The following TMTC2 variants were observed in gnomAD, a reference collection of about 807,000 sequenced individuals.
TMTC2 encodes transmembrane O-mannosyltransferase targeting cadherins 2, also known as protein O-mannosyl-transferase TMTC2.
A neutral mutation model predicts 82.4 loss-of-function variants in TMTC2; 43 were observed. That is an observed-to-expected ratio of 0.52 (90% CI 0.41 to 0.67). The LOEUF (loss-of-function observed/expected upper bound fraction) is 0.67, where lower values mean the gene tolerates loss of function less well. Ranked by LOEUF, TMTC2 falls within the 30% of genes least tolerant of loss-of-function variation. TMTC2 has a pLI of 0.00. For synonymous variants in TMTC2, 408 were observed against 381.9 expected, an observed-to-expected ratio of 1.07 and a Z score of -0.80; for missense variants, 919 against 1,012.4, an observed-to-expected ratio of 0.91 and a Z score of 1.25.
chr12:82,965,537 T>C (rs1878155670), intron 5 of TMTC2, 23 bp from the exon 6 acceptor site: 3 of 1,612,208 alleles, frequency 1.9e-6, no homozygotes, highest in Admixed American at 3.3e-5. Context: ...TCTCACACTT[T>C]TGTTTCCACT....
chr12:82,811,507 G>C (rs1377702148), intron 1 of TMTC2, among the ~76,000 whole-genome samples: 1 of 151,896 alleles, frequency 6.6e-6, no homozygotes, highest in Non-Finnish European at 1.5e-5. Flanking sequence ...AAGTAGTGTT[G>C]TCACAGAAAG....
chr12:82,858,627 A>T (rs1871375915), intron 2 of TMTC2, among the ~76,000 whole-genome samples: 1 of 151,146 alleles, frequency 6.6e-6, no homozygotes, highest in Admixed American at 6.6e-5. Flanking sequence ...TGTTCGAAAC[A>T]TCAATTTTTT....
Position 83,102,068 on chromosome 12 carries a change from G to A in TMTC2, c.2332-30142G>A, listed in dbSNP as rs374158020. On this transcript the variant is annotated intron_variant, in intron 11 of 11. Transcript: ENST00000321196. Reference sequence around the variant, plus strand: ...ATACATGTGACTAGTTTAGAGATTGGCATTATCTCCTTGGAACTGGGTAGA... The same window carrying A: ...ATACATGTGACTAGTTTAGAGATTGACATTATCTCCTTGGAACTGGGTAGA... 2.6e-5 allele frequency among the ~76,000 whole-genome samples: 4 copies of A among 152,148 alleles called. No homozygotes were observed. In the East Asian group the frequency reaches 5.8e-4, roughly 22 times the overall value.
At chr12:82,715,898 G>A (rs541447278) in intron 1 of TMTC2, among the ~76,000 whole-genome samples, 13 of 152,310 alleles carry the variant, frequency 8.5e-5, no homozygotes, top group African/African-American at 2.6e-4. Context: ...CATGAGTCCT[G>A]TAGAAATCAG....
At chr12:83,069,508 T>C (rs1883033185) in intron 11 of TMTC2, among the ~76,000 whole-genome samples, 1 of 152,190 alleles carries the variant, frequency 6.6e-6, no homozygotes, top group Admixed American at 6.5e-5. Context: ...TTGAGAACTG[T>C]CTATTCATGT....
intron 1 of TMTC2, among the ~76,000 whole-genome samples, chr12:82,782,838 A>T (rs899396015): frequency 2.0e-5 from 3 of 152,164 alleles, no homozygotes; most frequent in African/African-American, 7.2e-5. Context: ...TAGCCTCTTT[A>T]TTCCTAATTT....
At chr12:82,766,488 C>T (rs924055215) in intron 1 of TMTC2, among the ~76,000 whole-genome samples, 1 of 152,212 alleles carries the variant, frequency 6.6e-6, no homozygotes, top group Non-Finnish European at 1.5e-5. Flanking sequence ...ACTAGGCACA[C>T]TGTTTTGTCT....
chr12:82,901,669 G>A (rs1489684315), intron 3 of TMTC2, among the ~76,000 whole-genome samples: 4 of 151,648 alleles, frequency 2.6e-5, no homozygotes, highest in South Asian at 2.1e-4. Flanking sequence ...TTTTTCTTTC[G>A]ACTCAGACAT....
At chr12:82,915,039 G>C (rs1262344293) in intron 3 of TMTC2, among the ~76,000 whole-genome samples, 1 of 151,840 alleles carries the variant, frequency 6.6e-6, no homozygotes, top group Non-Finnish European at 1.5e-5. Flanking sequence ...TGGTCAGGCT[G>C]GTCTCGAACT....
intron 1 of TMTC2, among the ~76,000 whole-genome samples, chr12:82,695,955 G>A (rs1872769710): frequency 6.6e-6 from 1 of 152,146 alleles, no homozygotes; most frequent in African/African-American, 2.4e-5. Flanking sequence ...AAGAAACTAG[G>A]CCTGTTGCCT....
chr12:82,997,055 A>G (rs1424286983), intron 8 of TMTC2, among the ~76,000 whole-genome samples: 3 of 150,458 alleles, frequency 2.0e-5, no homozygotes, highest in Non-Finnish European at 4.4e-5. Context: ...CCCCTTTTCT[A>G]CCTAGGGTAC....
chr12:83,098,350 A>G (rs990999369), intron 11 of TMTC2, among the ~76,000 whole-genome samples: 8 of 152,188 alleles, frequency 5.3e-5, no homozygotes, highest in Admixed American at 2.6e-4. Flanking sequence ...ATCAAATTCT[A>G]TCAGATAAAC....
chr12:83,085,478 A>G (rs1055108513), intron 11 of TMTC2, among the ~76,000 whole-genome samples: 5 of 152,320 alleles, frequency 3.3e-5, no homozygotes, highest in Non-Finnish European at 5.9e-5. Context: ...AGCTTATAAA[A>G]TGGGGAAATA....
chr12:83,053,226 G>C (rs1211961500), intron 10 of TMTC2, among the ~76,000 whole-genome samples: 2 of 152,090 alleles, frequency 1.3e-5, no homozygotes, highest in Non-Finnish European at 2.9e-5. Flanking sequence ...ATGCCACATA[G>C]TTCTAAATTA....
chr12:83,037,674 T>C (rs11115558), intron 9 of TMTC2, among the ~76,000 whole-genome samples: 47,347 of 151,950 alleles, frequency 0.31, 7,481 homozygotes, highest in East Asian at 0.45. Context: ...ATGTATCTAA[T>C]AAATTAATAC....
intron 7 of TMTC2, among the ~76,000 whole-genome samples, chr12:82,985,584 C>G (rs57549384): frequency 6.6e-6 from 1 of 151,312 alleles, no homozygotes; most frequent in South Asian, 2.1e-4. Context: ...TAAAAAAGAA[C>G]AAAAGAATAA....
chr12:82,687,503 G>T lies in TMTC2; in HGVS notation c.-84G>T, dbSNP rs1872372869. On this transcript the variant is annotated 5_prime_UTR_variant, in exon 1 of 12. Coordinates refer to ENST00000321196, the MANE Select transcript of TMTC2 (RefSeq NM_152588.3). ...GTGAAGCTGGGAGGAGAAGGCGGCG[G>T]AAGGTGGAGATTGATGCTTCTGTTT... The T allele has an allele frequency of 7.5e-7, 1 of 1,326,926 alleles. No homozygotes were observed. Among genetic ancestry groups the T allele is most frequent in the African/African-American group, 1.4e-5 (1 of 69,514 alleles). The allele number at this position is 1,326,926 out of a possible 1,614,324, so 82.2% of individuals were successfully genotyped here.
intron 3 of TMTC2, among the ~76,000 whole-genome samples, chr12:82,896,927 C>G (rs1466737116): frequency 6.6e-6 from 1 of 152,072 alleles, no homozygotes; most frequent in African/African-American, 2.4e-5. Flanking sequence ...ATTGACTATT[C>G]CAAGAATTTA....
chr12:82,779,757 G>A (rs139411201), intron 1 of TMTC2, among the ~76,000 whole-genome samples: 17 of 152,138 alleles, frequency 1.1e-4, no homozygotes, highest in South Asian at 4.1e-4. Flanking sequence ...AAAATTAGCC[G>A]GGTGTGGTGG....
Sources: allele counts gnomAD v4.1 joint callset (sites outside exome capture counted in the v4.1 genomes callset), GRCh38; gene constraint gnomAD v4.1.1; transcripts MANE v1.5; gene names NCBI Gene and HGNC (gene_info 2026-07-23, HGNC 2026-07-21).